Variants in PUDP observed in about 807,000 individuals in gnomAD.
The protein encoded by PUDP is pseudouridine 5'-phosphatase.
A neutral mutation model predicts 9.4 loss-of-function variants in PUDP; 8 were observed. The observed-to-expected ratio is 0.85, with a 90% CI of 0.50 to 1.53. The LOEUF (loss-of-function observed/expected upper bound fraction) is 1.53. Ranked by LOEUF, PUDP falls within the 40% of genes most tolerant of loss-of-function variation. The pLI is 0.00. For synonymous variants in PUDP, 99 were observed against 80.7 expected (o/e 1.23, Z -1.22); for missense variants, 188 against 189.7 (o/e 0.99, Z 0.05).
chrX:6,776,549 C>G (rs1332410433), intron 3 of PUDP, among the ~76,000 whole-genome samples: 1 of 110,834 alleles, frequency 9.0e-6, no homozygotes, highest in Non-Finnish European at 1.9e-5. Flanking sequence ...AACAAACAAA[C>G]AAAGCCACAG....
chrX:7,016,117 G>A (rs1469747961), intron 1 of PUDP, among the ~76,000 whole-genome samples: 1 of 107,798 alleles, frequency 9.3e-6, no homozygotes, highest in East Asian at 3.0e-4. Context: ...GATTGCTTGA[G>A]CTCAGGAGTT....
At chrX:6,953,580 G>A (rs1196954390) in intron 3 of PUDP, among the ~76,000 whole-genome samples, 1 of 110,859 alleles carries the variant, frequency 9.0e-6, no homozygotes, top group African/African-American at 3.3e-5. Context: ...TGTTTAGCCA[G>A]AGGTTCAAGA....
At chrX:6,930,909 G>A (rs970379349) in intron 3 of PUDP, among the ~76,000 whole-genome samples, 7 of 108,404 alleles carry the variant, frequency 6.5e-5, no homozygotes, top group South Asian at 8.1e-4. Context: ...AAAATAGAGG[G>A]CACCCAGTTA....
downstream of PUDP, among the ~76,000 whole-genome samples, chrX:7,045,651 C>T (rs1034260357): frequency 9.0e-6 from 1 of 111,504 alleles, no homozygotes; most frequent in African/African-American, 3.3e-5. Flanking sequence ...TGAGCCTGGG[C>T]ATATTCGAAG....
At chrX:7,063,654 T>C (rs1251514971) in intron 3 of PUDP, among the ~76,000 whole-genome samples, 1 of 111,124 alleles carries the variant, frequency 9.0e-6, no homozygotes, top group Admixed American at 9.6e-5. Context: ...TATTGTTTGT[T>C]TGTTTTTGAG....
intron 3 of PUDP, among the ~76,000 whole-genome samples, chrX:6,975,794 T>A (rs1928945079): frequency 8.9e-6 from 1 of 112,182 alleles, no homozygotes. Context: ...ATGCTGAAGC[T>A]GCGCCCACAG....
Position 6,960,186 on chromosome X carries a change from G to A in PUDP, c.*247+16947C>T, listed in dbSNP as rs139384815. Among the ~76,000 whole-genome samples, 626 of 112,374 alleles carry A rather than the reference G, an allele frequency of 5.6e-3. 3 individuals are homozygous for A. The highest frequency in any genetic ancestry group is 0.019 in the African/African-American group (599 of 30,951). ...TGCATGTAAGAAGAACAGAAATTCA[G>A]GAGGCCCTGGGCAGAATTCTGTGGT... On this transcript the variant is annotated intron_variant and NMD_transcript_variant, in intron 3 of 3. Transcript: ENST00000655425.
chrX:7,059,230 T>C (rs767784789), intron 3 of PUDP, among the ~76,000 whole-genome samples: 3 of 111,333 alleles, frequency 2.7e-5, no homozygotes, highest in Non-Finnish European at 5.6e-5. Flanking sequence ...ACTCTTAGCA[T>C]GCATATTAAA....
intron 3 of PUDP, among the ~76,000 whole-genome samples, chrX:7,067,810 G>A (rs1930609582): frequency 1.8e-5 from 2 of 111,420 alleles, no homozygotes; most frequent in Admixed American, 1.9e-4. Flanking sequence ...ATTCCCACAT[G>A]TTATGGGAGG....
At chrX:6,751,352 G>C (rs1925080120) in intron 3 of PUDP, among the ~76,000 whole-genome samples, 2 of 111,320 alleles carry the variant, frequency 1.8e-5, no homozygotes, top group Non-Finnish European at 3.8e-5. Context: ...TAGGTAACTT[G>C]CTTGACAATT....
intron 3 of PUDP, among the ~76,000 whole-genome samples, chrX:6,807,096 C>A (rs975325665): frequency 5.4e-5 from 6 of 112,110 alleles, no homozygotes; most frequent in African/African-American, 1.9e-4. Flanking sequence ...TCTAGAGAAC[C>A]TTTATACAGC....
At chrX:7,050,528 G>T in intron 3 of PUDP, 56 bp from the exon 4 acceptor site, 1 of 1,065,355 alleles carries the variant, frequency 9.4e-7, no homozygotes, top group Non-Finnish European at 1.3e-6. Flanking sequence ...ACATGTGGAT[G>T]AAGTGTTTAT....
intron 1 of PUDP, among the ~76,000 whole-genome samples, chrX:7,042,853 T>C (rs1349147536): frequency 8.9e-6 from 1 of 111,958 alleles, no homozygotes; most frequent in African/African-American, 3.2e-5. Flanking sequence ...GACTCTGTTC[T>C]TTCCCTTGCT....
intron 3 of PUDP, among the ~76,000 whole-genome samples, chrX:6,931,813 G>A (rs73629005): frequency 0.032 from 3,492 of 110,543 alleles, 138 homozygotes; most frequent in African/African-American, 0.11. Context: ...GTCCCTTTTC[G>A]GTTCTTCCCT....
chrX:6,934,151 A>G (rs1246846652), intron 3 of PUDP, among the ~76,000 whole-genome samples: 15 of 106,199 alleles, frequency 1.4e-4, no homozygotes, highest in Admixed American at 8.5e-4. Flanking sequence ...GATACTCCTC[A>G]AGAAGAGCAA....
intron 3 of PUDP, among the ~76,000 whole-genome samples, chrX:6,783,269 T>G (rs143125176): frequency 3.0e-3 from 333 of 112,114 alleles, no homozygotes; most frequent in Non-Finnish European, 5.1e-3. Flanking sequence ...AGCAGAGCAC[T>G]TTTCCCCATG....
intron 2 of PUDP, among the ~76,000 whole-genome samples, chrX:7,096,428 G>C (rs1931573734): frequency 9.0e-6 from 1 of 110,980 alleles, no homozygotes; most frequent in Non-Finnish European, 1.9e-5. Context: ...GTTAAACACT[G>C]AGTAACGGTT....
chrX:6,956,529 T>C (rs1397247960), intron 3 of PUDP, among the ~76,000 whole-genome samples: 1 of 111,770 alleles, frequency 8.9e-6, no homozygotes, highest in Non-Finnish European at 1.9e-5. Context: ...ACAGGAAAGA[T>C]GTTGAAAAAC....
intron 3 of PUDP, among the ~76,000 whole-genome samples, chrX:6,882,859 G>A (rs761108811): frequency 1.8e-5 from 2 of 111,265 alleles, no homozygotes; most frequent in South Asian, 3.9e-4. Flanking sequence ...ATGGGTCCAG[G>A]GAAGGAGGAT....
Sources: allele counts gnomAD v4.1 joint callset (sites outside exome capture counted in the v4.1 genomes callset), GRCh38; gene constraint gnomAD v4.1.1; transcripts MANE v1.5; gene names NCBI Gene and HGNC (gene_info 2026-07-23, HGNC 2026-07-21).